The following SKAP2 variants were observed in gnomAD, a reference collection of about 807,000 sequenced individuals.
The protein encoded by SKAP2 is src kinase associated phosphoprotein 2.
In SKAP2, 28 loss-of-function variants were observed where a neutral mutation model predicts 54.9. The ratio of observed to expected loss-of-function variants is 0.51; its 90% CI spans 0.38 to 0.70. SKAP2 has a LOEUF of 0.70. Among genes scored for constraint, SKAP2 ranks in the 30% least tolerant of loss-of-function variants. The pLI is 0.00. For missense variants in SKAP2, 356 were observed against 424.1 expected (o/e 0.84, Z 1.41); for synonymous variants, 137 against 134.3 (o/e 1.02, Z -0.14).
chr7:26,855,874 T>C (rs1785151911), intron 1 of SKAP2, among the ~76,000 whole-genome samples: 1 of 152,168 alleles, frequency 6.6e-6, no homozygotes, highest in Non-Finnish European at 1.5e-5. Context: ...GGCATGGCTA[T>C]AAATCATTGA....
chr7:26,795,899 C>T (rs1783767447), intron 4 of SKAP2, among the ~76,000 whole-genome samples: 1 of 152,162 alleles, frequency 6.6e-6, no homozygotes, highest in South Asian at 2.1e-4. Flanking sequence ...CTGAACAACA[C>T]AGGTTTGAAC....
intron 9 of SKAP2, among the ~76,000 whole-genome samples, chr7:26,710,074 T>C (rs998258461): frequency 6.6e-6 from 1 of 152,146 alleles, no homozygotes; most frequent in Non-Finnish European, 1.5e-5. Flanking sequence ...AAAATAATCA[T>C]CATAAAGAGA....
At chr7:26,854,014 G>A in intron 3 of SKAP2, 123 bp downstream of exon 3, 1 of 650,250 alleles carries the variant, frequency 1.5e-6, no homozygotes, top group Non-Finnish European at 2.7e-6. Flanking sequence ...GAAGGTCTAA[G>A]TACACATTAC....
chr7:26,854,691 A>T lies in SKAP2; in HGVS notation c.173+94T>A, dbSNP rs557909247. On this transcript the variant is annotated intron_variant, in intron 2 of 12. Coordinates refer to ENST00000345317, the MANE Select transcript of SKAP2 (RefSeq NM_003930.5). ...ACATCAGTTAAACTGGAACATGAAA[A>T]ATTTAACTCCATAATAATCGATTTC... 124 of 1,287,248 alleles carry T rather than the reference A, an allele frequency of 9.6e-5. 1 individual carries two copies. In the South Asian group the frequency reaches 1.5e-3, roughly 16 times the overall value. 79.7% of individuals were successfully genotyped at this position (1,287,248 alleles called of 1,614,324 possible). A position where few individuals can be genotyped will look rare whatever the true frequency, so the allele number is the denominator to read the frequency against.
chr7:26,722,501 C>G (rs1029949353), intron 9 of SKAP2, among the ~76,000 whole-genome samples: 2 of 148,540 alleles, frequency 1.3e-5, no homozygotes, highest in African/African-American at 5.0e-5. Context: ...AAGTGATTCT[C>G]CTGCCTCAGC....
chr7:26,730,406 A>C (rs988806635), intron 6 of SKAP2, among the ~76,000 whole-genome samples: 4 of 152,232 alleles, frequency 2.6e-5, no homozygotes, highest in African/African-American at 9.6e-5. Flanking sequence ...GCAAAAGCTT[A>C]TTCCTTTAAG....
chr7:26,864,547 A>G lies in SKAP2; in HGVS notation c.-118T>C, dbSNP rs1248134102. 2 of 1,449,240 alleles carry G rather than the reference A, an allele frequency of 1.4e-6. No individual in the cohort carries two copies. The highest frequency in any genetic ancestry group is 1.8e-6 in the Non-Finnish European group (2 of 1,101,236). 89.8% of individuals were successfully genotyped at this position (1,449,240 alleles called of 1,614,324 possible). Reference sequence around the variant, plus strand: ...GGCCCGGATTAAGAACAGCGGGGCTACGAGTCGGGACACTGCCGGGCCGGG... The same window carrying G: ...GGCCCGGATTAAGAACAGCGGGGCTGCGAGTCGGGACACTGCCGGGCCGGG... On this transcript the variant is annotated 5_prime_UTR_variant, in exon 1 of 13. Coordinates refer to ENST00000345317, the MANE Select transcript of SKAP2 (RefSeq NM_003930.5).
intron 4 of SKAP2, among the ~76,000 whole-genome samples, chr7:26,801,136 T>G (rs1783904839): frequency 6.6e-6 from 1 of 152,168 alleles, no homozygotes; most frequent in African/African-American, 2.4e-5. Context: ...AATTCAACAA[T>G]GCATTAGACA....
chr7:26,798,388 G>A (rs1234816236), intron 4 of SKAP2, among the ~76,000 whole-genome samples: 1 of 151,418 alleles, frequency 6.6e-6, no homozygotes, highest in East Asian at 2.0e-4. Context: ...AGAAGTTCTG[G>A]AGCTGAAAAA....
intron 10 of SKAP2, 79 bp from the exon 11 acceptor site, chr7:26,684,927 A>G: frequency 1.2e-6 from 1 of 803,058 alleles, no homozygotes. Flanking sequence ...AGTAGAAATT[A>G]AATGATGCCC....
chr7:26,662,829 A>G (rs1012951221), downstream of SKAP2, among the ~76,000 whole-genome samples: 3 of 152,148 alleles, frequency 2.0e-5, no homozygotes, highest in Non-Finnish European at 4.4e-5. Context: ...CCCAGAAAGC[A>G]GAGGGCACAC....
chr7:26,790,957 G>A (rs1481092729), intron 4 of SKAP2, among the ~76,000 whole-genome samples: 2 of 152,062 alleles, frequency 1.3e-5, no homozygotes, highest in African/African-American at 4.8e-5. Context: ...GTCAAATATG[G>A]AGAAATGTCT....
chr7:26,844,987 A>T (rs893585623), intron 3 of SKAP2, among the ~76,000 whole-genome samples: 3 of 152,142 alleles, frequency 2.0e-5, no homozygotes, highest in Admixed American at 1.3e-4. Flanking sequence ...AAAAAACACA[A>T]ATATTTGCTA....
intron 9 of SKAP2, 51 bp downstream of exon 9, chr7:26,725,377 C>T (rs1162452231): frequency 7.1e-7 from 1 of 1,411,434 alleles, no homozygotes; most frequent in Non-Finnish European, 9.9e-7. Flanking sequence ...CACACTCACA[C>T]ACACACACAC....
At chr7:26,678,941 A>C (rs1284467353) in intron 11 of SKAP2, among the ~76,000 whole-genome samples, 1 of 152,246 alleles carries the variant, frequency 6.6e-6, no homozygotes, top group African/African-American at 2.4e-5. Flanking sequence ...TATGCTATAC[A>C]CACTGAGGGA....
Position 26,821,326 on chromosome 7 carries a change from G to C in SKAP2, c.307+22704C>G, listed in dbSNP as rs144607801. ...CATCAACATTCAAATGAACGCCAAA[G>C]AAAATGACCAAGATAAAATGTATCA... On this transcript the variant is annotated intron_variant, in intron 4 of 12. Coordinates refer to ENST00000345317, the MANE Select transcript of SKAP2 (RefSeq NM_003930.5). 1.7e-3 allele frequency among the ~76,000 whole-genome samples: 259 copies of C among 152,202 alleles called. 1 individual carries two copies. Among genetic ancestry groups the C allele is most frequent in the African/African-American group, 6.0e-3 (249 of 41,532 alleles).
intron 4 of SKAP2, among the ~76,000 whole-genome samples, chr7:26,754,940 TA>T (rs1562598397): frequency 6.6e-6 from 1 of 152,210 alleles, no homozygotes; most frequent in East Asian, 1.9e-4. Flanking sequence ...CACATCCCGC[TA>T]AAATTCCATA....
intron 4 of SKAP2, among the ~76,000 whole-genome samples, chr7:26,831,841 T>C (rs1428721101): frequency 6.6e-6 from 1 of 152,030 alleles, no homozygotes; most frequent in African/African-American, 2.4e-5. Flanking sequence ...CTAAAATAAA[T>C]ACCTGAAGCC....
At chr7:26,835,867 A>G (rs753117041) in intron 4 of SKAP2, among the ~76,000 whole-genome samples, 2 of 152,230 alleles carry the variant, frequency 1.3e-5, no homozygotes, top group African/African-American at 2.4e-5. Context: ...GAACCAAAAA[A>G]GAGCCCGTAT....
Sources: allele counts gnomAD v4.1 joint callset (sites outside exome capture counted in the v4.1 genomes callset), GRCh38; gene constraint gnomAD v4.1.1; transcripts MANE v1.5; gene names NCBI Gene and HGNC (gene_info 2026-07-23, HGNC 2026-07-21).